Variants in RAPGEF2 observed in about 807,000 individuals in gnomAD.
The protein encoded by RAPGEF2 is Rap guanine nucleotide exchange factor 2.
In RAPGEF2, 54 loss-of-function variants were observed where a neutral mutation model predicts 186.7. The observed-to-expected ratio is 0.29, with a 90% CI of 0.23 to 0.36. The LOEUF is 0.36. Ranked by LOEUF, RAPGEF2 falls within the 10% of genes least tolerant of loss-of-function variation. The pLI is 1.00. For missense variants in RAPGEF2, 1,532 were observed against 2,045.0 expected (o/e 0.75, Z 4.84); for synonymous variants, 712 against 705.9 (o/e 1.01, Z -0.14).
At chr4:159,187,133 T>TA (rs1747641056) in intron 2 of RAPGEF2, among the ~76,000 whole-genome samples, 1 of 152,238 alleles carries the variant, frequency 6.6e-6, no homozygotes, top group Admixed American at 6.5e-5. Flanking sequence ...CTAGGTCCTA[T>TA]ACTAAGGAGC....
At chr4:159,145,005 C>G (rs575464431) in intron 1 of RAPGEF2, among the ~76,000 whole-genome samples, 1 of 150,482 alleles carries the variant, frequency 6.6e-6, no homozygotes. Context: ...TCTCCCACCT[C>G]AGCCTCCCAA....
At chr4:159,186,392 ATTTATT>A (rs1347860356) in intron 1 of RAPGEF2, among the ~76,000 whole-genome samples, 1 of 152,092 alleles carries the variant, frequency 6.6e-6, no homozygotes, top group Non-Finnish European at 1.5e-5. Flanking sequence ...TTTATGAGGA[ATTTATT>A]TTTATAAGTT....
chr4:159,277,561 G>T (rs990869923), intron 7 of RAPGEF2, among the ~76,000 whole-genome samples: 1 of 152,080 alleles, frequency 6.6e-6, no homozygotes, highest in Non-Finnish European at 1.5e-5. Context: ...AAGTGTTCCT[G>T]TTTCTCCACA....
At chr4:159,257,693 C>T (rs1014735445) in intron 7 of RAPGEF2, among the ~76,000 whole-genome samples, 7 of 152,180 alleles carry the variant, frequency 4.6e-5, no homozygotes, top group African/African-American at 7.2e-5. Context: ...GAAATGTTTT[C>T]CTCATTGCTT....
chr4:159,352,027 G>T (rs1454335179), intron 26 of RAPGEF2, among the ~76,000 whole-genome samples: 2 of 152,160 alleles, frequency 1.3e-5, no homozygotes, highest in South Asian at 2.1e-4. Context: ...AGAGTTAAGG[G>T]TCCTTTCAGG....
At chr4:159,255,997 A>C (rs1205551743) in intron 7 of RAPGEF2, among the ~76,000 whole-genome samples, 1 of 152,110 alleles carries the variant, frequency 6.6e-6, no homozygotes, top group Admixed American at 6.5e-5. Flanking sequence ...TGATCAGTAC[A>C]TTTTGTTTAT....
rs1282171292 is a variant in RAPGEF2 at position 159,162,107 on chromosome 4, G to C, written c.70-24535G>C. Among the ~76,000 whole-genome samples, 7 of 152,022 alleles carry C rather than the reference G, an allele frequency of 4.6e-5. No homozygotes were observed. The South Asian group carries it at 8.3e-4, about 18-fold the overall frequency. ...TTGTTAAAAATCTGGAATCTTTGCT[G>C]GGTGTGGTAGGTCGTGCTTGTAATC... On this transcript the variant is annotated intron_variant, in intron 1 of 29. Transcript: ENST00000691494.
At position 159,331,551 on chromosome 4, in the gene RAPGEF2, GTTTTTTTTAAGA is replaced by G; in HGVS notation, c.1575+15_1575+26del. ...TCTGGAAAGAGAGGTAATATTTGTG[GTTTTTTTTAAGA>G]TCAGCTTAAAGTTCATTTTATTCAG... On this transcript the variant is annotated intron_variant, in intron 14 of 29. Coordinates refer to ENST00000691494, the MANE Select transcript of RAPGEF2 (RefSeq NM_001394067.2). 2 of 1,609,196 alleles carry G rather than the reference GTTTTTTTTAAGA, an allele frequency of 1.2e-6. No individual in the cohort carries two copies. Among genetic ancestry groups the G allele is most frequent in the Non-Finnish European group, 1.7e-6 (2 of 1,176,082 alleles).
At chr4:159,284,496 AC>A in intron 7 of RAPGEF2, among the ~76,000 whole-genome samples, 1 of 41,266 alleles carries the variant, frequency 2.4e-5, no homozygotes, top group South Asian at 6.3e-4. Flanking sequence ...ACACACACAC[AC>A]ACACACACAC....
intron 1 of RAPGEF2, among the ~76,000 whole-genome samples, chr4:159,142,639 A>G (rs1475626700): frequency 6.6e-6 from 1 of 152,184 alleles, no homozygotes; most frequent in African/African-American, 2.4e-5. Context: ...AAGAAATAAA[A>G]ATATATGTTT....
intron 4 of RAPGEF2, among the ~76,000 whole-genome samples, chr4:159,216,548 G>A (rs1297605195): frequency 6.6e-6 from 1 of 152,042 alleles, no homozygotes; most frequent in Non-Finnish European, 1.5e-5. Context: ...CAGCTTGAGT[G>A]AGGGTAAAAG....
chr4:159,330,281 G>GTGTGTGTGTGTGTGTGTGTT, intron 12 of RAPGEF2, 53 bp from the exon 13 acceptor site: 1 of 857,782 alleles, frequency 1.2e-6, no homozygotes. Context: ...GTGTGTGTGT[G>GTGTGTGTGTGTGTGTGTGTT]TGTGTGTGTG....
chr4:159,350,826 TC>T (rs1362581246), intron 26 of RAPGEF2, among the ~76,000 whole-genome samples: 2 of 152,212 alleles, frequency 1.3e-5, no homozygotes, highest in Non-Finnish European at 2.9e-5. Flanking sequence ...TCAGGCTACT[TC>T]CTCCTCCTAC....
intron 8 of RAPGEF2, 38 bp from the exon 9 acceptor site, chr4:159,314,553 C>T (rs752451188): frequency 6.5e-7 from 1 of 1,546,714 alleles, no homozygotes; most frequent in Non-Finnish European, 8.7e-7. Flanking sequence ...GATTTATTTA[C>T]TTAAAATAGT....
chr4:159,231,866 T>C (rs1443540848), intron 4 of RAPGEF2, among the ~76,000 whole-genome samples: 4 of 152,216 alleles, frequency 2.6e-5, no homozygotes, highest in African/African-American at 9.6e-5. Context: ...TTCAGTCATA[T>C]TTGTTTACCT....
At chr4:159,268,243 T>C in intron 7 of RAPGEF2, 1 of 1,494,936 alleles carries the variant, frequency 6.7e-7, no homozygotes, top group Non-Finnish European at 9.3e-7. Context: ...TGCTTGTGCT[T>C]TGATAGCACG....
At chr4:159,222,954 T>C (rs1246109333) in intron 4 of RAPGEF2, among the ~76,000 whole-genome samples, 3 of 151,786 alleles carry the variant, frequency 2.0e-5, no homozygotes, top group African/African-American at 7.2e-5. Flanking sequence ...AAGAAAATCA[T>C]ATTTTGAAAT....
At position 159,331,684 on chromosome 4, in the gene RAPGEF2, A is replaced by AGAAGATT. The variant is rs1352159625; in HGVS notation, c.1633_1639dup (p.Met547LysfsTer23). On this transcript the variant is annotated frameshift_variant, in exon 15 of 30. Coordinates refer to ENST00000691494, the MANE Select transcript of RAPGEF2 (RefSeq NM_001394067.2). LOFTEE classifies it high-confidence loss of function. ...TATCGCGTGTGCTGCTAAAGCAAAA[A>AGAAGATT]GAAGATTGATGACGTTAACAAAACC... The AGAAGATT allele has an allele frequency of 6.2e-7, 1 of 1,614,060 alleles. No homozygotes were observed. Among genetic ancestry groups the AGAAGATT allele is most frequent in the African/African-American group, 1.3e-5 (1 of 74,940 alleles).
intron 1 of RAPGEF2, among the ~76,000 whole-genome samples, chr4:159,137,467 A>T (rs1741839958): frequency 6.6e-6 from 1 of 152,120 alleles, no homozygotes; most frequent in Admixed American, 6.5e-5. Context: ...ATCTCATCCA[A>T]CCTTGATTAC....
Sources: allele counts gnomAD v4.1 joint callset (sites outside exome capture counted in the v4.1 genomes callset), GRCh38; gene constraint gnomAD v4.1.1; transcripts MANE v1.5; gene names NCBI Gene and HGNC (gene_info 2026-07-23, HGNC 2026-07-21).